Variants in CDH13 observed in about 807,000 individuals in gnomAD.
CDH13 encodes the protein cadherin 13, also known as cadherin-13.
In CDH13, 24 loss-of-function variants were observed where a neutral mutation model predicts 63.8. The ratio of observed to expected loss-of-function variants is 0.38; its 90% CI spans 0.27 to 0.53. CDH13 has a LOEUF of 0.53. Among genes scored for constraint, CDH13 ranks in the 20% least tolerant of loss-of-function variants. CDH13 has a pLI of 0.85. For missense variants in CDH13, 1,049 were observed against 903.1 expected (o/e 1.16, Z -2.07); for synonymous variants, 503 against 355.3 (o/e 1.42, Z -4.67).
chr16:83,701,052 A>G (rs1469602002), intron 10 of CDH13, among the ~76,000 whole-genome samples: 1 of 152,198 alleles, frequency 6.6e-6, no homozygotes, highest in Non-Finnish European at 1.5e-5. Context: ...GGGGGATTCT[A>G]GGGACATTTT....
chr16:82,839,269 C>T (rs1019127368), intron 1 of CDH13, among the ~76,000 whole-genome samples: 2 of 152,258 alleles, frequency 1.3e-5, no homozygotes, highest in Admixed American at 1.3e-4. Flanking sequence ...TTGTTTCCTC[C>T]CCTGGCCCTC....
intron 4 of CDH13, among the ~76,000 whole-genome samples, chr16:83,184,630 C>T (rs535994901): frequency 1.4e-4 from 21 of 152,258 alleles, no homozygotes; most frequent in African/African-American, 4.8e-4. Context: ...TGGTGCACGC[C>T]TGTAGTCCCA....
At chr16:82,707,271 C>T (rs1451371717) in intron 1 of CDH13, among the ~76,000 whole-genome samples, 3 of 152,172 alleles carry the variant, frequency 2.0e-5, no homozygotes, top group African/African-American at 7.2e-5. Flanking sequence ...AGCCAGCTGA[C>T]TCATTTTGTT....
rs995354550 is a variant in CDH13, at chr16:83,797,089, G to A, written c.*2059G>A. On this transcript the variant is annotated 3_prime_UTR_variant, in exon 14 of 14. Coordinates refer to ENST00000567109, the MANE Select transcript of CDH13 (RefSeq NM_001257.5). ...TACTGGCTTTACAGGGCACTGTCAC[G>A]CGTCTCCCGGGCGCACCTTGCTCCC... 2.0e-5 allele frequency: 3 copies of A among 152,250 alleles called. No individual in the cohort carries two copies. The highest frequency in any genetic ancestry group is 6.5e-5 in the Admixed American group (1 of 15,282). The allele number at this position is 152,250 out of a possible 1,614,324, so 9.4% of individuals were successfully genotyped here. A position where few individuals can be genotyped will look rare whatever the true frequency, so the allele number is the denominator to read the frequency against.
intron 3 of CDH13, among the ~76,000 whole-genome samples, chr16:83,122,335 A>C (rs545212166): frequency 4.0e-5 from 6 of 150,852 alleles, no homozygotes; most frequent in Admixed American, 3.3e-4. Flanking sequence ...CAGCATGTTT[A>C]TTTTTATGTT....
chr16:83,445,241 T>G (rs369169777), intron 6 of CDH13, among the ~76,000 whole-genome samples: 1 of 56,528 alleles, frequency 1.8e-5, no homozygotes, highest in Non-Finnish European at 4.5e-5. Flanking sequence ...GAGTTTATAA[T>G]TTATAAAAGC....
At chr16:82,801,475 C>G (rs1294966043) in intron 1 of CDH13, among the ~76,000 whole-genome samples, 1 of 152,222 alleles carries the variant, frequency 6.6e-6, no homozygotes, top group Non-Finnish European at 1.5e-5. Context: ...CCTCCCCACC[C>G]ACACACTTTC....
chr16:83,142,160 GT>G (rs11445521), intron 4 of CDH13, among the ~76,000 whole-genome samples: 1,635 of 120,356 alleles, frequency 0.014, 19 homozygotes, highest in South Asian at 0.078. Flanking sequence ...GTTTGTTTTT[GT>G]TTTTTTTTTT....
At chr16:82,716,315 A>T (rs1567459881) in intron 1 of CDH13, among the ~76,000 whole-genome samples, 3 of 152,096 alleles carry the variant, frequency 2.0e-5, no homozygotes, top group African/African-American at 7.2e-5. Context: ...TCCATGGGAA[A>T]GGTGGTGGGA....
At chr16:83,252,443 C>A (rs913948569) in intron 5 of CDH13, among the ~76,000 whole-genome samples, 1 of 151,948 alleles carries the variant, frequency 6.6e-6, no homozygotes, top group African/African-American at 2.4e-5. Flanking sequence ...AGATGGTGAC[C>A]TTAAAACCAT....
chr16:82,719,254 G>T, intron 1 of CDH13: 1 of 393,238 alleles, frequency 2.5e-6, no homozygotes, highest in African/African-American at 2.1e-5. Flanking sequence ...ACTGCCATTG[G>T]CCTGTAATAT....
intron 2 of CDH13, among the ~76,000 whole-genome samples, chr16:82,951,147 G>T (rs192531935): frequency 2.3e-4 from 35 of 152,196 alleles, no homozygotes; most frequent in Non-Finnish European, 2.6e-4. Context: ...GCAAGTTTGT[G>T]TGTGTGCTTG....
At chr16:83,747,682 G>T (rs1912719651) in intron 10 of CDH13, among the ~76,000 whole-genome samples, 1 of 150,474 alleles carries the variant, frequency 6.6e-6, no homozygotes, top group Non-Finnish European at 1.5e-5. Context: ...CTGGATCAGA[G>T]GTAGTGAGTT....
In CDH13 at chr16:83,446,118, C is replaced by T. The variant is rs138661721; in HGVS notation, c.782-40359C>T. On this transcript the variant is annotated intron_variant, in intron 6 of 13. Transcript: ENST00000567109. ...AGGAGTTCAAGACCAGCATGGCCAACGTGGTGAAACCCCATCTCTACAAAA... is the reference window on the plus strand; with the variant it reads ...AGGAGTTCAAGACCAGCATGGCCAATGTGGTGAAACCCCATCTCTACAAAA... Among the ~76,000 whole-genome samples the T allele has an allele frequency of 5.8e-3, 886 of 151,946 alleles. 10 individuals carry two copies. Among genetic ancestry groups the T allele is most frequent in the African/African-American group, 0.02 (834 of 41,452 alleles).
chr16:83,024,596 C>T (rs747023143), intron 2 of CDH13, among the ~76,000 whole-genome samples: 5 of 152,160 alleles, frequency 3.3e-5, no homozygotes, highest in Admixed American at 6.5e-5. Context: ...CACTAAGTCT[C>T]AGTTTCCACA....
intron 6 of CDH13, among the ~76,000 whole-genome samples, chr16:83,371,358 C>G (rs2091363967): frequency 6.6e-6 from 1 of 152,166 alleles, no homozygotes; most frequent in Non-Finnish European, 1.5e-5. Context: ...CCAGGTCTCC[C>G]AATCCTAATA....
At chr16:82,948,045 T>G (rs1388532898) in intron 2 of CDH13, among the ~76,000 whole-genome samples, 1 of 152,216 alleles carries the variant, frequency 6.6e-6, no homozygotes, top group Non-Finnish European at 1.5e-5. Flanking sequence ...ATTTAATATT[T>G]ATTCTACTAA....
chr16:82,663,226 G>T (rs145137528), intron 1 of CDH13, among the ~76,000 whole-genome samples: 2,841 of 152,226 alleles, frequency 0.019, 65 homozygotes, highest in African/African-American at 0.047. Context: ...CGCTGTTGTT[G>T]CCCTGGCTGG....
At chr16:83,328,247 C>G (rs2090410220) in intron 5 of CDH13, among the ~76,000 whole-genome samples, 2 of 152,080 alleles carry the variant, frequency 1.3e-5, no homozygotes, top group South Asian at 4.1e-4. Flanking sequence ...GAAGTCCATG[C>G]TTGGAATCTC....
Sources: allele counts gnomAD v4.1 joint callset (sites outside exome capture counted in the v4.1 genomes callset), GRCh38; gene constraint gnomAD v4.1.1; transcripts MANE v1.5; gene names NCBI Gene and HGNC (gene_info 2026-07-23, HGNC 2026-07-21).